COL25A1: variants seen among roughly 807,000 people sequenced by gnomAD.
COL25A1 encodes collagen type XXV alpha 1 chain.
Under a neutral mutation model 128.4 loss-of-function variants are expected in COL25A1, and 103 were observed. The ratio of observed to expected loss-of-function variants is 0.80; its 90% CI spans 0.68 to 0.94. COL25A1 has a LOEUF of 0.94. Ranked by LOEUF, COL25A1 falls within the 40% of genes least tolerant of loss-of-function variation. The pLI is 0.00. For synonymous variants in COL25A1, 279 were observed against 277.2 expected (o/e 1.01, Z -0.06); for missense variants, 745 against 840.0 (o/e 0.89, Z 1.40).
At chr4:108,894,049 TGATTTC>T (rs1741852613) in intron 16 of COL25A1, among the ~76,000 whole-genome samples, 1 of 152,164 alleles carries the variant, frequency 6.6e-6, no homozygotes, top group Admixed American at 6.6e-5. Context: ...ACAATCTAGT[TGATTTC>T]AATTTCCATG....
intron 3 of COL25A1, among the ~76,000 whole-genome samples, chr4:109,133,859 C>T (rs9993955): frequency 0.47 from 71,595 of 151,930 alleles, 19,589 homozygotes; most frequent in African/African-American, 0.77. Flanking sequence ...CTCAAAAAAC[C>T]CTCAGTCTAT....
chr4:108,869,248 GA>G (rs1464849793), intron 19 of COL25A1, 98 bp from the exon 20 acceptor site: 3 of 682,786 alleles, frequency 4.4e-6, no homozygotes, highest in Non-Finnish European at 7.0e-6. Flanking sequence ...TTCTTCTACT[GA>G]GATTTTACTT....
chr4:109,186,851 C>T (rs1033394488), intron 3 of COL25A1, among the ~76,000 whole-genome samples: 2 of 152,170 alleles, frequency 1.3e-5, no homozygotes, highest in East Asian at 3.8e-4. Context: ...GTCATGCATT[C>T]GACATCAGCA....
rs146525908 is a variant in COL25A1, at chr4:109,046,052, T to G, written c.420+2116A>C. Among the ~76,000 whole-genome samples the G allele has an allele frequency of 7.2e-5, 11 of 152,314 alleles. No homozygotes were observed. In the East Asian group the frequency reaches 1.9e-3, roughly 27 times the overall value. ...TAAGGAATGGAATAAAGTGGTAAAC[T>G]GAATCGATTTGAAATCAGACATATC... is the stretch of plus-strand genomic sequence containing the variant. On this transcript the variant is annotated intron_variant, in intron 5 of 37. Transcript: ENST00000399132.
At chr4:108,964,937 T>G (rs1751124822) in intron 8 of COL25A1, among the ~76,000 whole-genome samples, 1 of 152,214 alleles carries the variant, frequency 6.6e-6, no homozygotes, top group Non-Finnish European at 1.5e-5. Flanking sequence ...CCATTCCCTT[T>G]TCTCAGGCAA....
chr4:108,854,187 C>A (rs1219719218), intron 24 of COL25A1: 1 of 152,000 alleles, frequency 6.6e-6, no homozygotes, highest in African/African-American at 2.4e-5. Context: ...GAAACTGGAC[C>A]CCTTCCTTAA....
intron 3 of COL25A1, among the ~76,000 whole-genome samples, chr4:109,105,438 C>T (rs1431079362): frequency 2.0e-5 from 3 of 152,202 alleles, no homozygotes; most frequent in African/African-American, 7.2e-5. Context: ...CGTGCCACTG[C>T]ACTCCAGCTT....
chr4:108,979,291 T>C (rs188965456), intron 6 of COL25A1, among the ~76,000 whole-genome samples: 71 of 152,288 alleles, frequency 4.7e-4, no homozygotes, highest in Non-Finnish European at 9.6e-4. Context: ...CTATGCTCTA[T>C]TGTCTATTTC....
In COL25A1 at chr4:109,007,851, G is replaced by A. The variant is rs76834460; in HGVS notation, c.438+2507C>T. On this transcript the variant is annotated intron_variant, in intron 6 of 37. Transcript: ENST00000399132. ...TCATTCTTAGCCACCATCATCCACG[G>A]TTCTCCTGGTCCTGTCCATTCTTGG... Among the ~76,000 whole-genome samples the A allele has an allele frequency of 8.8e-3, 1,337 of 152,204 alleles. 8 individuals are homozygous for A. The highest frequency in any genetic ancestry group is 0.03 in the South Asian group (145 of 4,818).
chr4:108,944,408 TAC>T (rs1411828974), intron 8 of COL25A1, among the ~76,000 whole-genome samples: 2 of 152,194 alleles, frequency 1.3e-5, no homozygotes, highest in African/African-American at 2.4e-5. Context: ...AGCCCTATAT[TAC>T]ACAGTCAGAA....
chr4:109,048,048 TA>T (rs1297117513), intron 5 of COL25A1, 119 bp downstream of exon 5: 10 of 1,178,226 alleles, frequency 8.5e-6, no homozygotes, highest in Non-Finnish European at 1.2e-5. Context: ...AGTATACTCT[TA>T]AAAGGTCAGT....
intron 3 of COL25A1, among the ~76,000 whole-genome samples, chr4:109,270,418 C>T: frequency 6.6e-6 from 1 of 152,310 alleles, no homozygotes; most frequent in Non-Finnish European, 1.5e-5. Flanking sequence ...CATTCCTATA[C>T]ACCAACAGCA....
At chr4:109,155,521 T>C (rs1771944073) in intron 3 of COL25A1, among the ~76,000 whole-genome samples, 1 of 152,234 alleles carries the variant, frequency 6.6e-6, no homozygotes. Flanking sequence ...AAAGCCTGTA[T>C]AACAAAATGC....
intron 11 of COL25A1, among the ~76,000 whole-genome samples, chr4:108,936,076 A>G (rs908472758): frequency 1.3e-5 from 2 of 152,152 alleles, no homozygotes; most frequent in Non-Finnish European, 2.9e-5. Flanking sequence ...ATGTACCTTC[A>G]ATTGCTTAAA....
At chr4:109,294,966 T>G (rs1392537463) in intron 3 of COL25A1, among the ~76,000 whole-genome samples, 1 of 152,022 alleles carries the variant, frequency 6.6e-6, no homozygotes, top group Non-Finnish European at 1.5e-5. Flanking sequence ...TCAGATACTA[T>G]TTTCATTAAC....
chr4:108,947,333 T>C (rs1748888447), intron 8 of COL25A1, among the ~76,000 whole-genome samples: 1 of 151,688 alleles, frequency 6.6e-6, no homozygotes, highest in Non-Finnish European at 1.5e-5. Flanking sequence ...TCTCAGCTAC[T>C]TGGGAGGCTG....
chr4:109,178,456 A>G (rs1774299910), intron 3 of COL25A1, among the ~76,000 whole-genome samples: 1 of 152,166 alleles, frequency 6.6e-6, no homozygotes, highest in Non-Finnish European at 1.5e-5. Context: ...TATACATTTG[A>G]CCTTGAATTT....
chr4:109,210,540 T>C (rs79706390), intron 3 of COL25A1, among the ~76,000 whole-genome samples: 5,194 of 152,258 alleles, frequency 0.034, 302 homozygotes, highest in African/African-American at 0.12. Context: ...TGTGATCTTA[T>C]TTTGCTTCCC....
At chr4:108,845,345 C>A (rs1734963761) in intron 28 of COL25A1, 94 bp from the exon 29 acceptor site, 1 of 952,332 alleles carries the variant, frequency 1.1e-6, no homozygotes, top group African/African-American at 1.6e-5. Flanking sequence ...GTTCTCTTGA[C>A]ATTTTATAAT....
Sources: gnomAD v4.1 joint callset for allele counts (sites outside exome capture counted in the v4.1 genomes callset) on GRCh38, gnomAD v4.1.1 for gene constraint, MANE v1.5 for transcripts, NCBI Gene and HGNC (gene_info 2026-07-23, HGNC 2026-07-21) for gene names.